Variants in DHX35 observed in about 807,000 individuals in gnomAD.
DHX35 encodes the protein DEAH-box helicase 35, also known as probable ATP-dependent RNA helicase DHX35.
In DHX35, 84 loss-of-function variants were observed where a neutral mutation model predicts 99.6. The ratio of observed to expected loss-of-function variants is 0.84; its 90% CI spans 0.71 to 1.01. The LOEUF is 1.01. DHX35 is among the 50% of genes least tolerant of loss of function. The pLI, the probability that DHX35 is intolerant of heterozygous loss-of-function variation, is 0.00. For synonymous variants in DHX35, 331 were observed against 316.2 expected, an observed-to-expected ratio of 1.05 and a Z score of -0.50; for missense variants, 852 against 888.5, an observed-to-expected ratio of 0.96 and a Z score of 0.52.
At chr20:38,997,411 G>A (rs956469743) in intron 8 of DHX35, among the ~76,000 whole-genome samples, 29 of 152,052 alleles carry the variant, frequency 1.9e-4, no homozygotes, top group African/African-American at 7.0e-4. Flanking sequence ...GTTCACAATT[G>A]CCTTTTATTG....
chr20:39,002,979 T>G, intron 10 of DHX35, 111 bp downstream of exon 10: 2 of 981,202 alleles, frequency 2.0e-6, no homozygotes, highest in Non-Finnish European at 3.0e-6. Flanking sequence ...TTGTATTTTG[T>G]GGTTCCATAA....
At chr20:38,991,381 T>G in intron 5 of DHX35, 73 bp from the exon 6 acceptor site, 1 of 1,400,772 alleles carries the variant, frequency 7.1e-7, no homozygotes, top group East Asian at 2.4e-5. Flanking sequence ...GAGGTTGCAC[T>G]TGAACTTAAA....
At chr20:38,977,247 T>A (rs183306980) in intron 3 of DHX35, among the ~76,000 whole-genome samples, 1 of 152,306 alleles carries the variant, frequency 6.6e-6, no homozygotes, top group African/African-American at 2.4e-5. Context: ...CACATTCTTG[T>A]CAACATTTGC....
chr20:38,979,515 T>A lies in DHX35; in HGVS notation c.268-4184T>A, dbSNP rs188702790. ...AGCTTTGCTGTTGAAAATGACTAGA[T>A]CATTGTAATAGATTGTATTATTGGT... On this transcript the variant is annotated intron_variant, in intron 3 of 21. Transcript: ENST00000252011. Among the ~76,000 whole-genome samples the A allele has an allele frequency of 3.9e-5, 6 of 152,324 alleles. No individual in the cohort carries two copies. In the East Asian group the frequency reaches 1.2e-3, roughly 29 times the overall value.
Position 39,003,840 on chromosome 20 carries a change from T to C in DHX35, c.944T>C (p.Met315Thr), listed in dbSNP as rs2086566262. 6.2e-7 allele frequency: 1 copy of C among 1,614,210 alleles called. No homozygotes were observed. Among genetic ancestry groups the C allele is most frequent in the Non-Finnish European group, 8.5e-7 (1 of 1,180,038 alleles). Residue 315 changes from methionine to threonine, a missense_variant, in exon 11 of 22, where the codon ATG becomes ACG. By Grantham distance (81) the Met-to-Thr change is moderately conservative. Transcript: ENST00000252011. ...AAGAGACACCTCCGAGTTCTCCCCATGTATGCAGGACTGCCTTCCTTTGAG... is the reference window on the plus strand; with the variant it reads ...AAGAGACACCTCCGAGTTCTCCCCACGTATGCAGGACTGCCTTCCTTTGAG... ...GMKRHLRVLP[M>T]YAGLPSFEQM...
At chr20:39,018,582 T>G (rs868737574) in intron 14 of DHX35, among the ~76,000 whole-genome samples, 3 of 152,184 alleles carry the variant, frequency 2.0e-5, no homozygotes, top group South Asian at 2.1e-4. Context: ...TTTAGAAGTA[T>G]CAGTTTTTTA....
In DHX35 at chr20:38,962,417, T is replaced by A. The variant is rs374592674; in HGVS notation, c.40+10T>A. On this transcript the variant is annotated intron_variant, in intron 1 of 21. Coordinates refer to ENST00000252011, the MANE Select transcript of DHX35 (RefSeq NM_021931.4). ...AAGTTCTGGCGACCCGGTAAGGCCC[T>A]TGGTGGAACGCTGGGCAGATGCGGC... 6.2e-7 allele frequency: 1 copy of A among 1,612,126 alleles called. No individual in the cohort carries two copies. The highest frequency in any genetic ancestry group is 8.5e-7 in the Non-Finnish European group (1 of 1,179,102).
chr20:39,035,333 A>G (rs960841882), intron 21 of DHX35, among the ~76,000 whole-genome samples: 5 of 152,138 alleles, frequency 3.3e-5, no homozygotes, highest in African/African-American at 9.7e-5. Flanking sequence ...TGGTCTCCCA[A>G]AGTGTTGGGA....
chr20:38,988,003 T>A lies in DHX35; in HGVS notation c.346-810T>A, dbSNP rs894819418. 3.9e-5 allele frequency among the ~76,000 whole-genome samples: 6 copies of A among 152,170 alleles called. No individual in the cohort carries two copies. The South Asian group carries it at 6.2e-4, about 16-fold the overall frequency. On this transcript the variant is annotated intron_variant, in intron 4 of 21. Coordinates refer to ENST00000252011, the MANE Select transcript of DHX35 (RefSeq NM_021931.4). ...TGAATATGGTAATTCCTGTTCTGCC[T>A]TCATGGTCCCGGGGGATGGGTTTTC...
chr20:38,962,488 C>T, intron 1 of DHX35, 81 bp downstream of exon 1: 1 of 1,533,798 alleles, frequency 6.5e-7, no homozygotes, highest in South Asian at 1.2e-5. Context: ...CTGGGGCCAG[C>T]AGACCTGCTC....
intron 2 of DHX35, among the ~76,000 whole-genome samples, chr20:38,970,125 A>G (rs888001302): frequency 1.3e-4 from 19 of 151,980 alleles, no homozygotes; most frequent in African/African-American, 4.3e-4. Flanking sequence ...GTCTTCCTAT[A>G]TTGTTCAGGC....
intron 15 of DHX35, among the ~76,000 whole-genome samples, chr20:39,021,632 C>G (rs1004947554): frequency 6.6e-6 from 1 of 152,110 alleles, no homozygotes; most frequent in Non-Finnish European, 1.5e-5. Context: ...CAGGCACATA[C>G]CACCATGCCT....
rs1478214364 is a variant in DHX35, at chr20:39,014,918, A to G, written c.1386A>G (p.Leu462=). Residue 462 remains leucine, a synonymous_variant, in exon 14 of 22, where the codon TTA becomes TTG. Coordinates refer to ENST00000252011, the MANE Select transcript of DHX35 (RefSeq NM_021931.4). The part of the protein sequence containing the change: ...PAQSMVQALE[L]LYALGGLDKD... The stretch of plus-strand genomic sequence containing the variant: ...AGTCGATGGTTCAAGCCTTGGAGTT[A>G]CTGTATGCTCTGGGAGGTATGCCAG... The G allele has an allele frequency of 6.2e-7, 1 of 1,614,146 alleles. No individual in the cohort carries two copies. Among genetic ancestry groups the G allele is most frequent in the South Asian group, 1.1e-5 (1 of 91,076 alleles).
intron 3 of DHX35, among the ~76,000 whole-genome samples, chr20:38,979,180 A>G (rs914263131): frequency 6.6e-6 from 1 of 151,624 alleles, no homozygotes; most frequent in Non-Finnish European, 1.5e-5. Context: ...TTCCAGTTCC[A>G]TAGATGCTAG....
At chr20:38,977,370 T>C (rs1601372975) in intron 3 of DHX35, among the ~76,000 whole-genome samples, 1 of 152,238 alleles carries the variant, frequency 6.6e-6, no homozygotes, top group African/African-American at 2.4e-5. Context: ...ATTTCGTATA[T>C]ATGAAATAAT....
At chr20:38,994,441 T>C (rs2086392543) in intron 7 of DHX35, among the ~76,000 whole-genome samples, 1 of 152,200 alleles carries the variant, frequency 6.6e-6, no homozygotes, top group South Asian at 2.1e-4. Flanking sequence ...ATTTATTGTT[T>C]GTTTGCTTTT....
Position 39,032,046 on chromosome 20 carries a change from A to G in DHX35, c.1955+1271A>G, listed in dbSNP as rs147272745. Reference sequence around the variant, plus strand: ...AAGTTTATGTTTGTCCAATTTAATAATAAAAATTGGGGGCTTATATTTTTC... The same window carrying G: ...AAGTTTATGTTTGTCCAATTTAATAGTAAAAATTGGGGGCTTATATTTTTC... On this transcript the variant is annotated intron_variant, in intron 20 of 21. Coordinates refer to ENST00000252011, the MANE Select transcript of DHX35 (RefSeq NM_021931.4). Among the ~76,000 whole-genome samples, 695 of 152,350 alleles carry G rather than the reference A, an allele frequency of 4.6e-3. 20 individuals are homozygous for G. The highest frequency in any genetic ancestry group is 0.04 in the Admixed American group (615 of 15,302).
rs201062740 is a variant in DHX35, at chr20:39,003,833, C to A, written c.937C>A (p.Leu313Ile). ...TGGGATGAAGAGACACCTCCGAGTT[C>A]TCCCCATGTATGCAGGACTGCCTTC... ...RTGMKRHLRV[L>I]PMYAGLPSFE... Residue 313 changes from leucine to isoleucine, a missense_variant, in exon 11 of 22, where the codon CTC becomes ATC. By Grantham distance (5) the Leu-to-Ile change is conservative. Transcript: ENST00000252011. 1 of 1,614,198 alleles carries A rather than the reference C, an allele frequency of 6.2e-7. No individual in the cohort carries two copies. Among genetic ancestry groups the A allele is most frequent in the East Asian group, 2.2e-5 (1 of 44,876 alleles).
chr20:39,002,668 G>A (rs926220593), intron 9 of DHX35, 104 bp from the exon 10 acceptor site: 21 of 939,530 alleles, frequency 2.2e-5, no homozygotes, highest in African/African-American at 1.6e-4. Context: ...TACTGGGCAG[G>A]CCCAAACTCA....
Sources: allele counts gnomAD v4.1 joint callset (sites outside exome capture counted in the v4.1 genomes callset), GRCh38; gene constraint gnomAD v4.1.1; transcripts MANE v1.5; gene names NCBI Gene and HGNC (gene_info 2026-07-23, HGNC 2026-07-21).